Variants in CYP7B1 observed in about 807,000 individuals in gnomAD.
CYP7B1 encodes cytochrome P450 7B1.
Under a neutral mutation model 42.7 loss-of-function variants are expected in CYP7B1, and 29 were observed. The ratio of observed to expected loss-of-function variants is 0.68; its 90% confidence interval spans 0.51 to 0.93. CYP7B1 has a LOEUF of 0.93. CYP7B1 is among the 40% of genes least tolerant of loss of function. The pLI, the probability that CYP7B1 is intolerant of heterozygous loss-of-function variation, is 0.00. For missense variants in CYP7B1, 655 were observed against 600.5 expected, an observed-to-expected ratio of 1.09 and a Z score of -0.95; for synonymous variants, 235 against 218.2, an observed-to-expected ratio of 1.08 and a Z score of -0.68.
chr8:64,609,394 T>G (rs1403733548), intron 4 of CYP7B1, among the ~76,000 whole-genome samples: 1 of 152,198 alleles, frequency 6.6e-6, no homozygotes, highest in Non-Finnish European at 1.5e-5. Flanking sequence ...AGAAAGCCAT[T>G]TTTCATACTG....
chr8:64,700,604 C>T (rs1806901157), intron 1 of CYP7B1, among the ~76,000 whole-genome samples: 1 of 152,096 alleles, frequency 6.6e-6, no homozygotes. Context: ...TGTAAGTGTA[C>T]AGAGGTGTGG....
chr8:64,721,665 G>A (rs1228358979), intron 1 of CYP7B1, among the ~76,000 whole-genome samples: 2 of 152,012 alleles, frequency 1.3e-5, no homozygotes, highest in Non-Finnish European at 2.9e-5. Context: ...ATGACTTACA[G>A]CCATCCTGGA....
intron 1 of CYP7B1, among the ~76,000 whole-genome samples, chr8:64,783,104 A>G (rs1253211470): frequency 6.6e-6 from 1 of 152,126 alleles, no homozygotes; most frequent in Non-Finnish European, 1.5e-5. Flanking sequence ...AGTTCAGCAT[A>G]CTCTTGAATA....
In CYP7B1 at chr8:64,710,147, C is replaced by T. The variant is rs112739357; in HGVS notation, c.123-85608G>A. On this transcript the variant is annotated intron_variant, in intron 1 of 5. Coordinates refer to ENST00000310193, the MANE Select transcript of CYP7B1 (RefSeq NM_004820.5). ...CCTGTGATTCTGGAATCTATCCATCCCTCCTAGCCTACCAGTTGTTGCCAG... is the reference window on the plus strand; with the variant it reads ...CCTGTGATTCTGGAATCTATCCATCTCTCCTAGCCTACCAGTTGTTGCCAG... Among the ~76,000 whole-genome samples the T allele has an allele frequency of 1.1e-4, 17 of 152,252 alleles. 2 individuals are homozygous for T. Among genetic ancestry groups the T allele is most frequent in the African/African-American group, 4.1e-4 (17 of 41,556 alleles).
chr8:64,702,290 G>A (rs953841416), intron 1 of CYP7B1, among the ~76,000 whole-genome samples: 7 of 152,130 alleles, frequency 4.6e-5, no homozygotes, highest in South Asian at 4.1e-4. Context: ...ATGAAATTGT[G>A]TCAGTATCCA....
chr8:64,620,488 G>A (rs1050964074), intron 2 of CYP7B1, among the ~76,000 whole-genome samples: 3 of 152,164 alleles, frequency 2.0e-5, no homozygotes, highest in African/African-American at 7.2e-5. Flanking sequence ...ACTATTTTCT[G>A]CGACAGGTCA....
intron 1 of CYP7B1, among the ~76,000 whole-genome samples, chr8:64,735,801 A>G (rs953982659): frequency 3.3e-5 from 5 of 152,140 alleles, no homozygotes; most frequent in African/African-American, 1.2e-4. Context: ...ATCCTGGGAA[A>G]ACTGGAAAAG....
intron 1 of CYP7B1, among the ~76,000 whole-genome samples, chr8:64,707,133 A>G (rs1383842174): frequency 2.6e-5 from 4 of 152,078 alleles, no homozygotes; most frequent in Non-Finnish European, 5.9e-5. Flanking sequence ...CAAGCCTTCC[A>G]GAGAGAAAAT....
chr8:64,688,304 T>C (rs1267006561), intron 1 of CYP7B1, among the ~76,000 whole-genome samples: 1 of 152,210 alleles, frequency 6.6e-6, no homozygotes, highest in Non-Finnish European at 1.5e-5. Flanking sequence ...CTACAGTTAA[T>C]ATATAAAAAC....
chr8:64,650,253 C>T (rs1438522231), intron 1 of CYP7B1, among the ~76,000 whole-genome samples: 1 of 152,038 alleles, frequency 6.6e-6, no homozygotes, highest in African/African-American at 2.4e-5. Context: ...GTATCTGTTC[C>T]TAATAATAAA....
At chr8:64,700,540 T>C (rs947016968) in intron 1 of CYP7B1, among the ~76,000 whole-genome samples, 11 of 152,140 alleles carry the variant, frequency 7.2e-5, no homozygotes, top group African/African-American at 1.9e-4. Flanking sequence ...TCTCTTATTA[T>C]AGGCAGAACT....
intron 1 of CYP7B1, among the ~76,000 whole-genome samples, chr8:64,718,320 A>G (rs78631379): frequency 0.022 from 3,314 of 152,230 alleles, 53 homozygotes; most frequent in Non-Finnish European, 0.035. Flanking sequence ...CACCATGTCC[A>G]TTCTGATGCA....
chr8:64,682,124 A>C (rs1412915149), intron 1 of CYP7B1, among the ~76,000 whole-genome samples: 1 of 152,176 alleles, frequency 6.6e-6, no homozygotes, highest in Non-Finnish European at 1.5e-5. Flanking sequence ...GAGAGGAGGA[A>C]ATGATAGGCC....
intron 5 of CYP7B1, 105 bp downstream of exon 5, chr8:64,604,577 C>T: frequency 7.5e-7 from 1 of 1,332,868 alleles, no homozygotes; most frequent in Non-Finnish European, 1.1e-6. Flanking sequence ...CAAGCTGCCT[C>T]AAACCCCTTC....
At chr8:64,760,057 C>T (rs1162579475) in intron 1 of CYP7B1, among the ~76,000 whole-genome samples, 1 of 152,056 alleles carries the variant, frequency 6.6e-6, no homozygotes, top group Non-Finnish European at 1.5e-5. Flanking sequence ...AATAGAATCA[C>T]AGGCCAATAG....
chr8:64,771,047 CTTTTT>C (rs757503820), intron 1 of CYP7B1, among the ~76,000 whole-genome samples: 40 of 42,496 alleles, frequency 9.4e-4, no homozygotes, highest in Admixed American at 5.1e-3. Context: ...ATATCAGCAT[CTTTTT>C]TTTTTTTTTT....
Position 64,596,532 on chromosome 8 carries a change from G to C in CYP7B1, c.*110C>G. 1 of 1,133,256 alleles carries C rather than the reference G, an allele frequency of 8.8e-7. No homozygotes were observed. Among genetic ancestry groups the C allele is most frequent in the Non-Finnish European group, 1.3e-6 (1 of 797,724 alleles). The allele number at this position is 1,133,256 out of a possible 1,614,324, so 70.2% of individuals were successfully genotyped here. A position where few individuals can be genotyped will look rare whatever the true frequency, so the allele number is the denominator to read the frequency against. On this transcript the variant is annotated 3_prime_UTR_variant, in exon 6 of 6. Coordinates refer to ENST00000310193, the MANE Select transcript of CYP7B1 (RefSeq NM_004820.5). ...GATATCAGATCAAATAGAAATTAGC[G>C]CTTTTTAAACAAATAAATCAATTAC...
rs1479223216 is a variant in CYP7B1, at chr8:64,596,636, G to T, written c.*6C>A. Reference sequence around the variant, plus strand: ...GATAGATTTATTTTCTTTCCTTTTAGCTTCTCTAAGATTTCACTTTGTATC... The same window carrying T: ...GATAGATTTATTTTCTTTCCTTTTATCTTCTCTAAGATTTCACTTTGTATC... On this transcript the variant is annotated 3_prime_UTR_variant, in exon 6 of 6. Coordinates refer to ENST00000310193, the MANE Select transcript of CYP7B1 (RefSeq NM_004820.5). 6.2e-7 allele frequency: 1 copy of T among 1,608,212 alleles called. No homozygotes were observed. The highest frequency in any genetic ancestry group is 1.1e-5 in the South Asian group (1 of 90,424).
At chr8:64,692,813 A>G (rs1163680662) in intron 1 of CYP7B1, among the ~76,000 whole-genome samples, 1 of 152,196 alleles carries the variant, frequency 6.6e-6, no homozygotes, top group African/African-American at 2.4e-5. Flanking sequence ...AAATGTTTGA[A>G]TGTATGTATG....
Sources: gnomAD v4.1 joint callset for allele counts (sites outside exome capture counted in the v4.1 genomes callset) on GRCh38, gnomAD v4.1.1 for gene constraint, MANE v1.5 for transcripts, NCBI Gene and HGNC (gene_info 2026-07-23, HGNC 2026-07-21) for gene names.